The following KLF13 variants were observed in gnomAD, a reference collection of about 807,000 sequenced individuals.
KLF13 encodes KLF transcription factor 13.
Under a neutral mutation model 16.7 loss-of-function variants are expected in KLF13, and 8 were observed. That is an observed-to-expected ratio of 0.48 (90% confidence interval 0.28 to 0.87). The LOEUF is 0.87. Ranked by LOEUF, KLF13 falls within the 40% of genes least tolerant of loss-of-function variation. The pLI is 0.10. For missense variants in KLF13, 447 were observed against 452.2 expected, an observed-to-expected ratio of 0.99 and a Z score of 0.10; for synonymous variants, 245 against 208.4, an observed-to-expected ratio of 1.18 and a Z score of -1.51.
At chr15:31,371,308 G>T (rs751295246) in intron 1 of KLF13, among the ~76,000 whole-genome samples, 1 of 152,134 alleles carries the variant, frequency 6.6e-6, no homozygotes, top group East Asian at 1.9e-4. Flanking sequence ...CCTCCCTACC[G>T]GCACAGGCCC....
intron 1 of KLF13, among the ~76,000 whole-genome samples, chr15:31,364,402 A>G (rs1053506798): frequency 3.9e-5 from 6 of 152,222 alleles, no homozygotes; most frequent in African/African-American, 1.4e-4. Context: ...AAGAGTGGAT[A>G]GTAGTGTGTG....
At chr15:31,410,872 AT>A (rs1481293043) in intron 1 of KLF13, among the ~76,000 whole-genome samples, 5 of 152,312 alleles carry the variant, frequency 3.3e-5, no homozygotes, top group Non-Finnish European at 5.9e-5. Context: ...AGTGGACATC[AT>A]TACAGACCCC....
chr15:31,343,475 C>T (rs2039062448), intron 1 of KLF13, among the ~76,000 whole-genome samples: 1 of 152,188 alleles, frequency 6.6e-6, no homozygotes, highest in Non-Finnish European at 1.5e-5. Flanking sequence ...CTTCAGGCTG[C>T]TCACCTGAAG....
intron 1 of KLF13, chr15:31,339,967 C>T: frequency 1.4e-6 from 1 of 702,408 alleles, no homozygotes; most frequent in East Asian, 2.7e-5. Context: ...TAAAGAGTCA[C>T]CTGCCCCATG....
intron 1 of KLF13, chr15:31,420,188 G>A (rs545316326): frequency 3.5e-4 from 202 of 578,324 alleles, no homozygotes; most frequent in Non-Finnish European, 5.6e-4. Context: ...TAAAAGAGCC[G>A]AGCTGAGTGG....
rs1471214838 is a variant in KLF13, at chr15:31,328,093, C to T, written c.577+304C>T. Among the ~76,000 whole-genome samples, 48 of 139,236 alleles carry T rather than the reference C, an allele frequency of 3.4e-4. 1 individual carries two copies. The highest frequency in any genetic ancestry group is 1.0e-3 in the African/African-American group (39 of 37,500). 91.3% of individuals were successfully genotyped at this position (139,236 alleles called of 152,430 possible). On this transcript the variant is annotated intron_variant, in intron 1 of 1. Coordinates refer to ENST00000307145, the MANE Select transcript of KLF13 (RefSeq NM_015995.4). Reference sequence around the variant, plus strand: ...TAGTCATCTGGGCTGGGGGCGGGGACCCCTCCCGGCCGGGAGGCGGCGCGG... The same window carrying T: ...TAGTCATCTGGGCTGGGGGCGGGGATCCCTCCCGGCCGGGAGGCGGCGCGG...
chr15:31,404,966 G>C (rs1034355020), downstream of KLF13, among the ~76,000 whole-genome samples: 4 of 152,194 alleles, frequency 2.6e-5, no homozygotes, highest in Admixed American at 6.5e-5. Flanking sequence ...GCTCCACCCT[G>C]CCTCAAAGAG....
chr15:31,349,739 G>A (rs961881267), intron 1 of KLF13, among the ~76,000 whole-genome samples: 4 of 152,226 alleles, frequency 2.6e-5, no homozygotes, highest in African/African-American at 9.7e-5. Flanking sequence ...CAGGCTGGGA[G>A]CAGGGGGCTT....
Position 31,374,778 on chromosome 15 carries a change from A to G in KLF13, c.*2479A>G, listed in dbSNP as rs555389160. On this transcript the variant is annotated 3_prime_UTR_variant, in exon 2 of 2. Coordinates refer to ENST00000307145, the MANE Select transcript of KLF13 (RefSeq NM_015995.4). ...TTTCTAGCTCCACATCTGTCTGCACATAGGAAGGAAAAGATAGGACTCTAA... is the reference window on the plus strand; with the variant it reads ...TTTCTAGCTCCACATCTGTCTGCACGTAGGAAGGAAAAGATAGGACTCTAA... 6 of 144,388 alleles carry G rather than the reference A, an allele frequency of 4.2e-5. No homozygotes were observed. The highest frequency in any genetic ancestry group is 1.6e-4 in the African/African-American group (6 of 38,376). 8.9% of individuals were successfully genotyped at this position (144,388 alleles called of 1,614,324 possible).
intron 1 of KLF13, among the ~76,000 whole-genome samples, chr15:31,353,085 C>G (rs2039241852): frequency 6.6e-6 from 1 of 152,138 alleles, no homozygotes; most frequent in African/African-American, 2.4e-5. Flanking sequence ...AGGGAAGGGA[C>G]CCTGGGCCAG....
At chr15:31,396,088 C>T (rs554395402) in intron 2 of KLF13, among the ~76,000 whole-genome samples, 27 of 152,288 alleles carry the variant, frequency 1.8e-4, no homozygotes, top group South Asian at 2.1e-4. Flanking sequence ...TGCAATGGCG[C>T]GATCTTGGCT....
chr15:31,377,084 T>C lies in KLF13; in HGVS notation c.*4785T>C. 6.6e-6 allele frequency: 1 copy of C among 152,076 alleles called. No homozygotes were observed. The highest frequency in any genetic ancestry group is 1.5e-5 in the Non-Finnish European group (1 of 68,030). 9.4% of individuals were successfully genotyped at this position (152,076 alleles called of 1,614,324 possible). On this transcript the variant is annotated 3_prime_UTR_variant, in exon 2 of 2. Transcript: ENST00000307145. ...CTCTTCTAGAGGGCCCGTGGACAGG[T>C]CGCAGTGCGTGCTTATTTGGAAACC...
intron 1 of KLF13, among the ~76,000 whole-genome samples, chr15:31,328,564 C>T (rs932227795): frequency 3.3e-5 from 5 of 151,876 alleles, no homozygotes; most frequent in East Asian, 2.0e-4. Flanking sequence ...TCCGTGCTGC[C>T]CTCTCGCCTG....
intron 1 of KLF13, among the ~76,000 whole-genome samples, chr15:31,431,311 T>C (rs978604840): frequency 6.6e-5 from 10 of 152,148 alleles, no homozygotes; most frequent in Non-Finnish European, 1.0e-4. Flanking sequence ...TGTGGTATTA[T>C]TATTTTTTAT....
chr15:31,381,138 C>T (rs1008982641), downstream of KLF13, among the ~76,000 whole-genome samples: 3 of 150,054 alleles, frequency 2.0e-5, no homozygotes, highest in Admixed American at 6.7e-5. Context: ...CGCCATTGCA[C>T]TCCTGCCTGG....
rs187201821 is a variant in KLF13, at chr15:31,334,924, C to G, written c.577+7135C>G. On this transcript the variant is annotated intron_variant, in intron 1 of 1. Coordinates refer to ENST00000307145, the MANE Select transcript of KLF13 (RefSeq NM_015995.4). ...TACTGAGTTCAGAAGGCTTTGGACACTCTTCTGGGCCAAAATAACAGAAAC... is the reference window on the plus strand; with the variant it reads ...TACTGAGTTCAGAAGGCTTTGGACAGTCTTCTGGGCCAAAATAACAGAAAC... Among the ~76,000 whole-genome samples, 1,186 of 140,152 alleles carry G rather than the reference C, an allele frequency of 8.5e-3. 22 individuals are homozygous for G. Among genetic ancestry groups the G allele is most frequent in the African/African-American group, 0.037 (1,112 of 30,058 alleles). 91.9% of individuals were successfully genotyped at this position (140,152 alleles called of 152,430 possible). A position where few individuals can be genotyped will look rare whatever the true frequency, so the allele number is the denominator to read the frequency against.
chr15:31,342,870 T>C (rs1284633531), intron 1 of KLF13, among the ~76,000 whole-genome samples: 4 of 152,126 alleles, frequency 2.6e-5, no homozygotes, highest in African/African-American at 9.7e-5. Context: ...GTGAGTGTAT[T>C]TTGTTGTATA....
rs75218653 is a variant in KLF13 at position 31,332,045 on chromosome 15, A to G, written c.577+4256A>G. Among the ~76,000 whole-genome samples the G allele has an allele frequency of 2.6e-3, 399 of 152,060 alleles. 14 individuals are homozygous for G. In the East Asian group the frequency reaches 0.064, roughly 24 times the overall value. On this transcript the variant is annotated intron_variant, in intron 1 of 1. Coordinates refer to ENST00000307145, the MANE Select transcript of KLF13 (RefSeq NM_015995.4). ...CTTCACTTATGGAAAGGACAGCTAC[A>G]TTGCCTTTTTTTTGTTTTTTCTGCT...
intron 1 of KLF13, among the ~76,000 whole-genome samples, chr15:31,417,191 C>A (rs990527405): frequency 2.0e-5 from 3 of 152,040 alleles, no homozygotes; most frequent in East Asian, 1.9e-4. Flanking sequence ...AAATAAATTT[C>A]TTTTTAAAAT....
Sources: allele counts gnomAD v4.1 joint callset (sites outside exome capture counted in the v4.1 genomes callset), GRCh38; gene constraint gnomAD v4.1.1; transcripts MANE v1.5; gene names NCBI Gene and HGNC (gene_info 2026-07-23, HGNC 2026-07-21).